Variants in FMN1 observed in about 807,000 individuals in gnomAD.
The protein encoded by FMN1 is formin-1.
In FMN1, 110 loss-of-function variants were observed where a neutral mutation model predicts 132.4. The ratio of observed to expected loss-of-function variants is 0.83; its 90% CI spans 0.71 to 0.97. The LOEUF (loss-of-function observed/expected upper bound fraction) is 0.97, where lower values mean the gene tolerates loss of function less well. Ranked by LOEUF, FMN1 falls within the 50% of genes least tolerant of loss-of-function variation. The pLI is 0.00. For missense variants in FMN1, 1,792 were observed against 1,705.3 expected (o/e 1.05, Z -0.90); for synonymous variants, 722 against 651.7 (o/e 1.11, Z -1.64).
chr15:32,984,959 CTGTT>C (rs1441388762), intron 7 of FMN1, among the ~76,000 whole-genome samples: 4 of 110,032 alleles, frequency 3.6e-5, no homozygotes, highest in Non-Finnish European at 5.2e-5. Flanking sequence ...CTCCTTTTCT[CTGTT>C]TGTTCATCCA....
At chr15:33,182,918 C>A (rs971665695) in intron 2 of FMN1, among the ~76,000 whole-genome samples, 1 of 152,160 alleles carries the variant, frequency 6.6e-6, no homozygotes, top group African/African-American at 2.4e-5. Context: ...CATTTAATTT[C>A]CCCATTGTTA....
chr15:32,895,493 T>C (rs2060131818), intron 15 of FMN1, among the ~76,000 whole-genome samples: 1 of 152,178 alleles, frequency 6.6e-6, no homozygotes, highest in Non-Finnish European at 1.5e-5. Flanking sequence ...TTTATGTGAA[T>C]TTTTTAAAGT....
At chr15:32,955,497 C>A (rs2061744909) in intron 9 of FMN1, among the ~76,000 whole-genome samples, 1 of 152,128 alleles carries the variant, frequency 6.6e-6, no homozygotes, top group Non-Finnish European at 1.5e-5. Context: ...CTCACTATCA[C>A]CATCAAGGTC....
chr15:33,131,769 T>G (rs1367335533), intron 4 of FMN1, among the ~76,000 whole-genome samples: 1 of 152,126 alleles, frequency 6.6e-6, no homozygotes, highest in African/African-American at 2.4e-5. Flanking sequence ...AAAGGTGTAG[T>G]CAACACTTAC....
chr15:33,001,589 TCCTCCTCCTC>T (rs1184162564), intron 7 of FMN1, among the ~76,000 whole-genome samples: 7 of 14,188 alleles, frequency 4.9e-4, no homozygotes, highest in African/African-American at 2.0e-3. Flanking sequence ...CCCCCCATCC[TCCTCCTCCTC>T]CCTCCTCCTC....
At chr15:33,151,381 T>C in intron 4 of FMN1, 2 of 1,536,648 alleles carry the variant, frequency 1.3e-6, no homozygotes, top group Non-Finnish European at 1.7e-6. Flanking sequence ...AATGGAAGGC[T>C]GAGGCCAAAG....
At chr15:33,014,220 C>T (rs78256688) in intron 6 of FMN1, among the ~76,000 whole-genome samples, 2,462 of 152,320 alleles carry the variant, frequency 0.016, 69 homozygotes, top group African/African-American at 0.055. Context: ...AGAATAATGT[C>T]CATGAGTCAA....
chr15:32,824,558 TTAAATA>T (rs2058317427), intron 17 of FMN1, among the ~76,000 whole-genome samples: 1 of 152,194 alleles, frequency 6.6e-6, no homozygotes, highest in Non-Finnish European at 1.5e-5. Flanking sequence ...CTTCTCCCTC[TTAAATA>T]TATTCAGGCT....
At chr15:32,847,229 A>G (rs1446313342) in intron 17 of FMN1, among the ~76,000 whole-genome samples, 1 of 152,156 alleles carries the variant, frequency 6.6e-6, no homozygotes, top group East Asian at 1.9e-4. Context: ...TGTTCTACCA[A>G]AGCAAGCAAA....
chr15:33,182,362 G>T (rs16966293), intron 2 of FMN1, among the ~76,000 whole-genome samples: 1,667 of 152,184 alleles, frequency 0.011, 23 homozygotes, highest in African/African-American at 0.037. Context: ...TAGAATCTCA[G>T]GCAGGCTGTA....
chr15:33,035,926 G>A (rs569848662), intron 6 of FMN1, among the ~76,000 whole-genome samples: 1 of 152,236 alleles, frequency 6.6e-6, no homozygotes, highest in African/African-American at 2.4e-5. Flanking sequence ...GACTGTCATA[G>A]GAGGGAAGCT....
intron 4 of FMN1, among the ~76,000 whole-genome samples, chr15:33,136,116 T>A (rs1393972317): frequency 6.6e-6 from 1 of 152,250 alleles, no homozygotes; most frequent in Non-Finnish European, 1.5e-5. Context: ...TCAGAGCAGA[T>A]GGCTTCATGG....
intron 18 of FMN1, among the ~76,000 whole-genome samples, chr15:32,803,614 A>G (rs1567192657): frequency 6.6e-6 from 1 of 152,014 alleles, no homozygotes; most frequent in Admixed American, 6.6e-5. Context: ...CCCCACCTGA[A>G]CATATGGACA....
At chr15:33,085,568 T>C (rs912525333) in intron 5 of FMN1, among the ~76,000 whole-genome samples, 7 of 149,296 alleles carry the variant, frequency 4.7e-5, no homozygotes, top group African/African-American at 1.7e-4. Flanking sequence ...TATATACATA[T>C]GCATAATTTA....
intron 9 of FMN1, among the ~76,000 whole-genome samples, chr15:32,956,865 A>T (rs1007822215): frequency 6.6e-6 from 1 of 152,198 alleles, no homozygotes; most frequent in Non-Finnish European, 1.5e-5. Context: ...AGGCTTCCAA[A>T]CAATGTTCTT....
At chr15:32,813,398 C>T (rs914498621) in intron 17 of FMN1, among the ~76,000 whole-genome samples, 3 of 152,226 alleles carry the variant, frequency 2.0e-5, no homozygotes, top group Non-Finnish European at 4.4e-5. Context: ...TATTTACCCA[C>T]ACTTTTTCAG....
At chr15:32,799,057 T>C (rs2057389466) in intron 18 of FMN1, 104 bp from the exon 19 acceptor site, 1 of 870,962 alleles carries the variant, frequency 1.1e-6, no homozygotes, top group Non-Finnish European at 1.8e-6. Flanking sequence ...CTTGTGTTTA[T>C]TTTGTAACAC....
intron 4 of FMN1, among the ~76,000 whole-genome samples, chr15:33,145,612 G>T (rs551221957): frequency 6.6e-6 from 1 of 151,432 alleles, no homozygotes; most frequent in South Asian, 2.1e-4. Context: ...CGTGGTAGCC[G>T]CTACCCTCGG....
chr15:33,017,109 G>C (rs957996600), intron 6 of FMN1, among the ~76,000 whole-genome samples: 1 of 151,444 alleles, frequency 6.6e-6, no homozygotes, highest in South Asian at 2.1e-4. Flanking sequence ...AAAAGGATGA[G>C]GCCGTACCCT....
Sources: allele counts gnomAD v4.1 joint callset (sites outside exome capture counted in the v4.1 genomes callset), GRCh38; gene constraint gnomAD v4.1.1; transcripts MANE v1.5; gene names NCBI Gene and HGNC (gene_info 2026-07-23, HGNC 2026-07-21).